Variants in TRAPPC9 observed in about 807,000 individuals in gnomAD.
TRAPPC9 encodes trafficking protein particle complex subunit 9.
TRAPPC9 carries 83 observed loss-of-function variants against 124.0 expected under a neutral mutation model. The observed-to-expected ratio is 0.67, with a 90% CI of 0.56 to 0.80. TRAPPC9 has a LOEUF of 0.80. Among genes scored for constraint, TRAPPC9 ranks in the 30% least tolerant of loss-of-function variants. The pLI is 0.00. For synonymous variants in TRAPPC9, 638 were observed against 617.5 expected (o/e 1.03, Z -0.49); for missense variants, 1,302 against 1,508.3 (o/e 0.86, Z 2.27).
intron 9 of TRAPPC9, among the ~76,000 whole-genome samples, chr8:140,359,265 C>T (rs971048042): frequency 5.9e-5 from 9 of 152,144 alleles, no homozygotes; most frequent in African/African-American, 2.2e-4. Context: ...ACATCAGTCT[C>T]CCCAGCAGAC....
chr8:140,227,270 T>C (rs962921555), intron 16 of TRAPPC9, among the ~76,000 whole-genome samples: 1 of 152,104 alleles, frequency 6.6e-6, no homozygotes, highest in Non-Finnish European at 1.5e-5. Flanking sequence ...GGGAGAAAAT[T>C]ATGTTCAATC....
At chr8:140,272,130 C>CAATGATGATGGTGGCAATGGT (rs1450234909) in intron 15 of TRAPPC9, among the ~76,000 whole-genome samples, 21 of 100,458 alleles carry the variant, frequency 2.1e-4, no homozygotes, top group South Asian at 6.7e-4. Context: ...GTGATGGTGG[C>CAATGATGATGGTGGCAATGGT]GATGGTGATG....
intron 10 of TRAPPC9, among the ~76,000 whole-genome samples, chr8:140,308,269 C>G (rs1485994683): frequency 6.6e-6 from 1 of 151,520 alleles, no homozygotes; most frequent in Non-Finnish European, 1.5e-5. Flanking sequence ...GCCACAGAGG[C>G]CCTGCAAGCC....
chr8:140,262,130 T>C (rs2064438972), intron 15 of TRAPPC9, among the ~76,000 whole-genome samples: 1 of 152,206 alleles, frequency 6.6e-6, no homozygotes, highest in Non-Finnish European at 1.5e-5. Flanking sequence ...TTCAACACTC[T>C]GCTCTACAAC....
chr8:140,129,382 G>A lies in TRAPPC9; in HGVS notation c.2556+92077C>T, dbSNP rs182411430. Among the ~76,000 whole-genome samples, 5 of 152,302 alleles carry A rather than the reference G, an allele frequency of 3.3e-5. No individual in the cohort carries two copies. In the East Asian group the frequency reaches 9.7e-4, roughly 29 times the overall value. On this transcript the variant is annotated intron_variant, in intron 17 of 22. Transcript: ENST00000438773. ...TGTGTGAGACCTCAGGGCCTGAGCA[G>A]GGTACGGGGTCCTAGAGGTGGAGCC...
intron 16 of TRAPPC9, among the ~76,000 whole-genome samples, chr8:140,246,021 G>A (rs894984109): frequency 2.0e-5 from 3 of 152,286 alleles, no homozygotes; most frequent in South Asian, 2.1e-4. Flanking sequence ...TCGTCCAATC[G>A]CGCAGTCTAC....
chr8:140,130,524 T>C (rs1450945010), intron 17 of TRAPPC9, among the ~76,000 whole-genome samples: 1 of 152,066 alleles, frequency 6.6e-6, no homozygotes, highest in African/African-American at 2.4e-5. Flanking sequence ...TCTTGAAAAA[T>C]ATCAAGGTCA....
intron 17 of TRAPPC9, among the ~76,000 whole-genome samples, chr8:140,168,979 G>A (rs971112430): frequency 9.9e-5 from 15 of 151,084 alleles, no homozygotes; most frequent in African/African-American, 3.5e-4. Flanking sequence ...TGAGTGACTG[G>A]ATGCTGGAGG....
At chr8:140,377,270 T>C (rs962495915) in intron 7 of TRAPPC9, among the ~76,000 whole-genome samples, 2 of 152,138 alleles carry the variant, frequency 1.3e-5, no homozygotes, top group African/African-American at 4.8e-5. Context: ...CATTCATCTT[T>C]CCATACCAGA....
At chr8:140,200,503 G>A (rs2062762429) in intron 17 of TRAPPC9, among the ~76,000 whole-genome samples, 1 of 152,054 alleles carries the variant, frequency 6.6e-6, no homozygotes, top group Admixed American at 6.6e-5. Flanking sequence ...CCGGCCAGGC[G>A]ATCAAGGTCA....
intron 17 of TRAPPC9, among the ~76,000 whole-genome samples, chr8:140,136,972 G>A (rs956939758): frequency 3.3e-5 from 5 of 152,090 alleles, no homozygotes; most frequent in Admixed American, 1.3e-4. Flanking sequence ...TAAACCCAAG[G>A]TTGAAGGAGG....
intron 21 of TRAPPC9, among the ~76,000 whole-genome samples, chr8:139,829,231 C>A (rs542293391): frequency 6.6e-6 from 1 of 152,246 alleles, no homozygotes; most frequent in South Asian, 2.1e-4. Flanking sequence ...GCTCTCTCTT[C>A]GCTCTACGAA....
In TRAPPC9 at chr8:139,730,519, C is replaced by T. The variant is rs553396962; in HGVS notation, c.*542G>A. 1.5e-4 allele frequency: 23 copies of T among 157,764 alleles called. No individual in the cohort carries two copies. The highest frequency in any genetic ancestry group is 2.5e-4 in the Non-Finnish European group (18 of 71,270). 9.8% of individuals were successfully genotyped at this position (157,764 alleles called of 1,614,324 possible). A position where few individuals can be genotyped will look rare whatever the true frequency, so the allele number is the denominator to read the frequency against. ...GGCCTCTCTTGGCATCAACCATCCA[C>T]GACCTCCTACGGCACCATCTCTCCT... On this transcript the variant is annotated 3_prime_UTR_variant, in exon 23 of 23. Transcript: ENST00000438773.
rs182553953 is a variant in TRAPPC9, at chr8:140,371,276, T to C, written c.1135-96A>G. The C allele has an allele frequency of 3.2e-4, 399 of 1,246,564 alleles. 1 individual carries two copies. In the African/African-American group the frequency reaches 5.1e-3, roughly 16 times the overall value. The allele number at this position is 1,246,564 out of a possible 1,614,324, so 77.2% of individuals were successfully genotyped here. On this transcript the variant is annotated intron_variant, in intron 7 of 22. Coordinates refer to ENST00000438773, the MANE Select transcript of TRAPPC9 (RefSeq NM_001160372.4). ...AATGTCTCTTCATAAAACAAAGACC[T>C]GAGGAGAATCGAGGAGAATCAAGGA...
intron 21 of TRAPPC9, among the ~76,000 whole-genome samples, chr8:139,762,853 G>A (rs934590347): frequency 6.6e-6 from 1 of 152,166 alleles, no homozygotes; most frequent in Non-Finnish European, 1.5e-5. Flanking sequence ...TGCCCACCAC[G>A]CACCCAGAAA....
intron 5 of TRAPPC9, among the ~76,000 whole-genome samples, chr8:140,412,522 A>C (rs1402431594): frequency 6.6e-6 from 1 of 152,158 alleles, no homozygotes; most frequent in Non-Finnish European, 1.5e-5. Context: ...TAATCACTGT[A>C]CTGTTTATGT....
At position 140,156,929 on chromosome 8, in the gene TRAPPC9, GAAAAGCCTCCCTTTCCATTC is replaced by G. The variant is rs1383399062; in HGVS notation, c.2556+64510_2556+64529del. On this transcript the variant is annotated intron_variant, in intron 17 of 22. Transcript: ENST00000438773. ...AGCTATTGTGCTGCAGGAAACATTG[GAAAAGCCTCCCTTTCCATTC>G]AAAAGCCTCCCTTTTCCATTCAAAA... 3.0e-3 allele frequency among the ~76,000 whole-genome samples: 429 copies of G among 142,258 alleles called. 8 individuals carry two copies. Among genetic ancestry groups the G allele is most frequent in the African/African-American group, 9.3e-3 (358 of 38,348 alleles). 93.3% of individuals were successfully genotyped at this position (142,258 alleles called of 152,430 possible).
intron 17 of TRAPPC9, among the ~76,000 whole-genome samples, chr8:140,214,013 T>A (rs534712905): frequency 2.6e-5 from 4 of 152,206 alleles, no homozygotes; most frequent in African/African-American, 7.2e-5. Flanking sequence ...GGCTCCCACA[T>A]CTCTATGCAG....
chr8:140,285,847 C>A (rs1174884424), intron 13 of TRAPPC9, among the ~76,000 whole-genome samples: 1 of 152,184 alleles, frequency 6.6e-6, no homozygotes, highest in Non-Finnish European at 1.5e-5. Flanking sequence ...ACTCCGTATT[C>A]CCACTTGGGG....
Sources: gnomAD v4.1 joint callset for allele counts (sites outside exome capture counted in the v4.1 genomes callset) on GRCh38, gnomAD v4.1.1 for gene constraint, MANE v1.5 for transcripts, NCBI Gene and HGNC (gene_info 2026-07-23, HGNC 2026-07-21) for gene names.